The following GPC5 variants were observed in gnomAD, a reference collection of about 807,000 sequenced individuals.
GPC5 encodes glypican-5.
In GPC5, 47 loss-of-function variants were observed where a neutral mutation model predicts 53.9. The ratio of observed to expected loss-of-function variants is 0.87; its 90% CI spans 0.69 to 1.11. The LOEUF is 1.11. GPC5 is among the 50% of genes most tolerant of loss of function. GPC5 has a pLI of 0.00. For synonymous variants in GPC5, 286 were observed against 263.3 expected, an observed-to-expected ratio of 1.09 and a Z score of -0.84; for missense variants, 748 against 713.1, an observed-to-expected ratio of 1.05 and a Z score of -0.56.
intron 2 of GPC5, among the ~76,000 whole-genome samples, chr13:91,674,527 ATGTGTATATATACGCATATATATGCG>A (rs2035329939): frequency 1.4e-5 from 2 of 143,014 alleles, no homozygotes; most frequent in East Asian, 2.1e-4. Flanking sequence ...ATATATGCGT[ATGTGTATATATACGCATATATATGCG>A]TATGTGTATA....
chr13:92,249,206 C>T (rs2042674972), intron 7 of GPC5, among the ~76,000 whole-genome samples: 1 of 151,970 alleles, frequency 6.6e-6, no homozygotes, highest in African/African-American at 2.4e-5. Flanking sequence ...TTAAAATGTA[C>T]AATAAATTGT....
chr13:92,447,060 T>C (rs891299017), intron 7 of GPC5: 17 of 152,318 alleles, frequency 1.1e-4, no homozygotes, highest in African/African-American at 3.8e-4. Context: ...AGTTTATAGA[T>C]ATTTTCTCCC....
chr13:91,962,321 C>G (rs2040133667), intron 6 of GPC5, among the ~76,000 whole-genome samples: 1 of 152,080 alleles, frequency 6.6e-6, no homozygotes, highest in Non-Finnish European at 1.5e-5. Flanking sequence ...GGAGAAATCC[C>G]AAAGTTTTTT....
intron 7 of GPC5, among the ~76,000 whole-genome samples, chr13:92,367,370 AT>A (rs2043614913): frequency 6.6e-6 from 1 of 152,210 alleles, no homozygotes; most frequent in African/African-American, 2.4e-5. Flanking sequence ...ATCTTAGATC[AT>A]TTACACAGAA....
intron 2 of GPC5, among the ~76,000 whole-genome samples, chr13:91,535,572 C>T (rs1032818636): frequency 6.6e-6 from 1 of 151,958 alleles, no homozygotes; most frequent in East Asian, 1.9e-4. Context: ...CCAATTATTC[C>T]TGGGGTGCCT....
intron 2 of GPC5, among the ~76,000 whole-genome samples, chr13:91,559,280 A>G (rs1456578604): frequency 1.3e-5 from 2 of 152,146 alleles, no homozygotes; most frequent in Admixed American, 1.3e-4. Flanking sequence ...ATTGAACATT[A>G]TAGCAGCAAT....
intron 7 of GPC5, among the ~76,000 whole-genome samples, chr13:92,399,177 C>G (rs924530687): frequency 5.3e-5 from 8 of 152,288 alleles, no homozygotes; most frequent in Middle Eastern, 6.8e-3. Flanking sequence ...CACACGCTAT[C>G]TATGTGTGCT....
intron 6 of GPC5, among the ~76,000 whole-genome samples, chr13:92,033,036 C>T (rs368379786): frequency 0.024 from 3,396 of 139,146 alleles, 175 homozygotes; most frequent in African/African-American, 0.085. Flanking sequence ...TAGTTATTGT[C>T]GTGTGTGTGT....
chr13:92,863,222 C>T (rs185775467), intron 7 of GPC5, among the ~76,000 whole-genome samples: 4 of 152,264 alleles, frequency 2.6e-5, no homozygotes, highest in Admixed American at 2.6e-4. Context: ...GGCAGGTGAT[C>T]AGAGCACAGA....
At chr13:92,050,762 T>C (rs2041021224) in intron 6 of GPC5, among the ~76,000 whole-genome samples, 1 of 152,184 alleles carries the variant, frequency 6.6e-6, no homozygotes, top group South Asian at 2.1e-4. Context: ...AATTGGGGCA[T>C]CATTTTTCAA....
chr13:91,948,509 TGA>T (rs143200682), intron 6 of GPC5, among the ~76,000 whole-genome samples: 3,215 of 152,148 alleles, frequency 0.021, 102 homozygotes, highest in African/African-American at 0.073. Flanking sequence ...GGAAAGAATT[TGA>T]GGTGAATGTT....
intron 7 of GPC5, among the ~76,000 whole-genome samples, chr13:92,675,356 G>A (rs1014648615): frequency 1.3e-5 from 2 of 152,042 alleles, no homozygotes; most frequent in Admixed American, 6.6e-5. Context: ...TCTTTCACTA[G>A]CTAGTATACC....
At chr13:92,481,640 A>T (rs1214097593) in intron 7 of GPC5, among the ~76,000 whole-genome samples, 2 of 152,176 alleles carry the variant, frequency 1.3e-5, no homozygotes. Flanking sequence ...GAATTCAATT[A>T]TCATGGCACT....
chr13:92,517,747 G>C (rs1435703876), intron 7 of GPC5, among the ~76,000 whole-genome samples: 1 of 152,152 alleles, frequency 6.6e-6, no homozygotes, highest in Non-Finnish European at 1.5e-5. Flanking sequence ...AAGCAGAAAA[G>C]CTGAAAATTC....
At chr13:92,805,956 T>C (rs2138792513) in intron 7 of GPC5, among the ~76,000 whole-genome samples, 1 of 152,116 alleles carries the variant, frequency 6.6e-6, no homozygotes, top group Middle Eastern at 3.4e-3. Flanking sequence ...AACAAGAGAG[T>C]CAGCCTGTCC....
chr13:91,942,671 T>C, intron 6 of GPC5, among the ~76,000 whole-genome samples: 1 of 152,076 alleles, frequency 6.6e-6, no homozygotes, highest in South Asian at 2.1e-4. Flanking sequence ...AATATAGATA[T>C]AGATATACTA....
At chr13:92,234,124 T>C (rs1309216036) in intron 7 of GPC5, among the ~76,000 whole-genome samples, 1 of 152,222 alleles carries the variant, frequency 6.6e-6, no homozygotes, top group Non-Finnish European at 1.5e-5. Context: ...AACATACATG[T>C]GCATGTGTCT....
intron 7 of GPC5, among the ~76,000 whole-genome samples, chr13:92,385,461 C>T (rs190639259): frequency 0.18 from 12,257 of 68,730 alleles, 2,611 homozygotes; most frequent in East Asian, 0.24. Flanking sequence ...TACATATATA[C>T]ACATATATAC....
At chr13:91,434,121 A>T (rs1257242408) in intron 1 of GPC5, among the ~76,000 whole-genome samples, 1 of 152,098 alleles carries the variant, frequency 6.6e-6, no homozygotes, top group African/African-American at 2.4e-5. Context: ...AGATGAGTAG[A>T]TTGCAAAAAT....
Sources: gnomAD v4.1 joint callset for allele counts (sites outside exome capture counted in the v4.1 genomes callset) on GRCh38, gnomAD v4.1.1 for gene constraint, MANE v1.5 for transcripts, NCBI Gene and HGNC (gene_info 2026-07-23, HGNC 2026-07-21) for gene names.